Variants in TOP1MT observed in about 807,000 individuals in gnomAD.
TOP1MT encodes DNA topoisomerase I mitochondrial.
TOP1MT carries 80 observed loss-of-function variants against 73.9 expected under a neutral mutation model. The observed-to-expected ratio is 1.08, with a 90% CI of 0.90 to 1.30. The LOEUF (loss-of-function observed/expected upper bound fraction) is 1.30. Among genes scored for constraint, TOP1MT ranks in the 50% most tolerant of loss-of-function variants. The pLI, the probability that TOP1MT is intolerant of heterozygous loss-of-function variation, is 0.00. For synonymous variants in TOP1MT, 338 were observed against 326.4 expected, an observed-to-expected ratio of 1.04 and a Z score of -0.38; for missense variants, 815 against 808.0, an observed-to-expected ratio of 1.01 and a Z score of -0.10.
rs539595124 is a variant in TOP1MT, at chr8:143,332,526, T to C, written c.123-1187A>G. 49 of 1,289,318 alleles carry C rather than the reference T, an allele frequency of 3.8e-5. No homozygotes were observed. The East Asian group carries it at 1.6e-3, about 41-fold the overall frequency. 79.9% of individuals were successfully genotyped at this position (1,289,318 alleles called of 1,614,324 possible). ...AGACCTGCACGTGACCCCAGCCAGGTAGTGCTGTTGGGGGCCTGGTGGGCC... is the reference window on the plus strand; with the variant it reads ...AGACCTGCACGTGACCCCAGCCAGGCAGTGCTGTTGGGGGCCTGGTGGGCC... On this transcript the variant is annotated intron_variant, in intron 1 of 13. Transcript: ENST00000329245.
At chr8:143,343,196 T>G (rs779619377) in intron 2 of TOP1MT, 6 of 456,200 alleles carry the variant, frequency 1.3e-5, no homozygotes, top group South Asian at 7.7e-5. Context: ...GTTCACACAT[T>G]CATTTCCTAT....
chr8:143,320,623 G>A (rs1266478253), intron 8 of TOP1MT, among the ~76,000 whole-genome samples: 1 of 152,242 alleles, frequency 6.6e-6, no homozygotes, highest in Non-Finnish European at 1.5e-5. Flanking sequence ...TGAAGTCATA[G>A]AAAGAGTGGG....
chr8:143,317,654 C>T, intron 10 of TOP1MT, 69 bp downstream of exon 10: 2 of 1,408,996 alleles, frequency 1.4e-6, no homozygotes, highest in Non-Finnish European at 2.0e-6. Context: ...CAAGGGCCAG[C>T]CGGGGAGCCC....
chr8:143,323,039 CCA>C (rs1223798899), intron 7 of TOP1MT, among the ~76,000 whole-genome samples: 1 of 52,282 alleles, frequency 1.9e-5, no homozygotes, highest in Admixed American at 2.6e-4. Context: ...CACATGCACG[CCA>C]CACAGGCACG....
Position 143,310,202 on chromosome 8 carries a change from C to T in TOP1MT, c.1569G>A (p.Lys523=), listed in dbSNP as rs1341405116. The change falls in exon 13 of 14, where the codon AAG becomes AAA. Residue 523 remains lysine (K), a synonymous_variant. Transcript: ENST00000329245. ...DGKSRSVLEK[K]RRLLEKLQEQ... is the part of the protein sequence containing the mutation. ...CCTGCAGCTTCTCCAGGAGCCGCCT[C>T]TTCTTCTCCAGGACACTGGCAAGAG... 1.5e-5 allele frequency: 24 copies of T among 1,576,964 alleles called. No homozygotes were observed. In the East Asian group the frequency reaches 5.2e-4, roughly 34 times the overall value.
At chr8:143,314,076 A>G (rs550339829) in intron 12 of TOP1MT, among the ~76,000 whole-genome samples, 1 of 152,186 alleles carries the variant, frequency 6.6e-6, no homozygotes, top group Non-Finnish European at 1.5e-5. Context: ...TAATCGACAC[A>G]TGGAAAACTG....
At chr8:143,323,902 C>A in intron 7 of TOP1MT, 97 bp downstream of exon 7, 2 of 1,429,864 alleles carry the variant, frequency 1.4e-6, no homozygotes, top group Non-Finnish European at 1.9e-6. Flanking sequence ...TTCCACCCCA[C>A]ACACAGGCCC....
In TOP1MT at chr8:143,322,542, CCACA is replaced by C. The variant is rs796176362; in HGVS notation, c.961-1160_961-1157del. On this transcript the variant is annotated intron_variant, in intron 7 of 13. Coordinates refer to ENST00000329245, the MANE Select transcript of TOP1MT (RefSeq NM_052963.3). ...ACAACAGGCACGCCAAAGATGCACG[CCACA>C]CACACGCACGCCACACACAGACACG... 3.0e-3 allele frequency among the ~76,000 whole-genome samples: 332 copies of C among 109,990 alleles called. 8 individuals are homozygous for C. The highest frequency in any genetic ancestry group is 0.011 in the African/African-American group (317 of 29,430). The allele number at this position is 109,990 out of a possible 152,430, so 72.2% of individuals were successfully genotyped here. A position where few individuals can be genotyped will look rare whatever the true frequency, so the allele number is the denominator to read the frequency against.
intron 3 of TOP1MT, chr8:143,327,841 C>A: frequency 2.7e-6 from 1 of 371,062 alleles, no homozygotes; most frequent in Non-Finnish European, 5.3e-6. Flanking sequence ...TCGGGGCAGT[C>A]AGACACCCAC....
At chr8:143,331,106 G>T in intron 2 of TOP1MT, 118 bp downstream of exon 2, 1 of 747,906 alleles carries the variant, frequency 1.3e-6, no homozygotes, top group Non-Finnish European at 2.2e-6. Context: ...AGAGGGCACA[G>T]AGCGCTCATA....
chr8:143,356,331 G>C (rs1817406785), upstream of TOP1MT, among the ~76,000 whole-genome samples: 1 of 152,202 alleles, frequency 6.6e-6, no homozygotes, highest in Non-Finnish European at 1.5e-5. Context: ...CCTAACTCCA[G>C]CTCCTTCTAC....
In TOP1MT at chr8:143,324,106, G is replaced by T; in HGVS notation, c.853C>A (p.Arg285Ser). 2 of 1,613,816 alleles carry T rather than the reference G, an allele frequency of 1.2e-6. No homozygotes were observed. Among genetic ancestry groups the T allele is most frequent in the Admixed American group, 1.7e-5 (1 of 60,032 alleles). Residue 285 changes from arginine to serine, a missense_variant, in exon 7 of 14, where the codon CGC becomes AGC. Physicochemically the swap from Arg to Ser is moderately radical, Grantham distance 110 (BLOSUM62 -1). Transcript: ENST00000329245. Reference protein sequence around the residue: ...TAWQKFETARRLRGFVDEIRS... With the variant: ...TAWQKFETARSLRGFVDEIRS... The stretch of plus-strand genomic sequence containing the variant: ...ATCTCGTCCACAAATCCCCGCAGGC[G>T]TCGAGCTGTTTCAAACTTCTGCCAA...
At chr8:143,352,549 G>T (rs530749541) in intron 1 of TOP1MT, among the ~76,000 whole-genome samples, 1 of 152,296 alleles carries the variant, frequency 6.6e-6, no homozygotes, top group Non-Finnish European at 1.5e-5. Flanking sequence ...AGACCTAAAT[G>T]TAAGAGCCAA....
At chr8:143,337,645 C>T (rs1044123449), upstream of TOP1MT, among the ~76,000 whole-genome samples, 5 of 152,168 alleles carry the variant, frequency 3.3e-5, no homozygotes, top group African/African-American at 9.7e-5. Flanking sequence ...CCCATCTGTA[C>T]TAAAGATTTT....
At chr8:143,323,880 A>C in intron 7 of TOP1MT, 119 bp downstream of exon 7, 1 of 1,122,578 alleles carries the variant, frequency 8.9e-7, no homozygotes, top group Non-Finnish European at 1.3e-6. Context: ...CACCCCCCCC[A>C]TCAGAATGAG....
At chr8:143,359,546 G>T, upstream of TOP1MT, 2 of 474,026 alleles carry the variant, frequency 4.2e-6, no homozygotes, top group Non-Finnish European at 5.5e-6. Context: ...GAGGGGTGGG[G>T]CAGCCAGGGG....
intron 6 of TOP1MT, 41 bp downstream of exon 6, chr8:143,324,444 A>G: frequency 1.9e-6 from 3 of 1,612,098 alleles, no homozygotes; most frequent in South Asian, 1.1e-5. Context: ...CCTCAGGGGG[A>G]CCTCCTGGGG....
intron 3 of TOP1MT, among the ~76,000 whole-genome samples, chr8:143,328,952 C>G (rs1816777508): frequency 6.6e-6 from 1 of 152,234 alleles, no homozygotes; most frequent in Admixed American, 6.5e-5. Flanking sequence ...CTCCAAAGAG[C>G]TTCTCGCCAA....
Position 143,310,119 on chromosome 8 carries a change from G to A in TOP1MT, c.1652C>T (p.Ala551Val), listed in dbSNP as rs750419511. Residue 551 changes from alanine (A) to valine (V), a missense_variant, in exon 13 of 14, where the codon GCC (alanine) becomes GTC (valine). This residue lies in a region of TOP1MT where 751 missense variants were observed against 725.4 expected (regional missense o/e 1.04). Transcript: ENST00000329245. The part of the protein sequence containing the change: ...ATDKEENKQV[A>V]LGTSKLNYLD... ...GTAGTTGAGCTTGGACGTGCCCAGG[G>A]CCACCTGCTTGTTCTCCTCCTTGTC... 2.5e-6 allele frequency: 4 copies of A among 1,613,576 alleles called. No individual in the cohort carries two copies. The East Asian group carries it at 8.9e-5, about 36-fold the overall frequency.
Sources: allele counts gnomAD v4.1 joint callset (sites outside exome capture counted in the v4.1 genomes callset), GRCh38; gene constraint gnomAD v4.1.1; regional missense constraint gnomAD v4.1.1; transcripts MANE v1.5; gene names NCBI Gene and HGNC (gene_info 2026-07-23, HGNC 2026-07-21).